ATP6V0E1: variants seen among roughly 807,000 people sequenced by gnomAD.
The protein encoded by ATP6V0E1 is ATPase H+ transporting V0 subunit e1.
A neutral mutation model predicts 11.6 loss-of-function variants in ATP6V0E1; 4 were observed. The observed-to-expected ratio is 0.35, with a 90% CI of 0.17 to 0.79. ATP6V0E1 has a LOEUF of 0.79. Ranked by LOEUF, ATP6V0E1 falls within the 30% of genes least tolerant of loss-of-function variation. The pLI is 0.54. For missense variants in ATP6V0E1, 105 were observed against 100.0 expected (o/e 1.05, Z -0.21); for synonymous variants, 36 against 34.8 (o/e 1.04, Z -0.13).
intron 2 of ATP6V0E1, among the ~76,000 whole-genome samples, chr5:173,005,056 T>G (rs1183830576): frequency 6.6e-6 from 1 of 152,156 alleles, no homozygotes; most frequent in African/African-American, 2.4e-5. Context: ...TGCAGAGTTA[T>G]GTTAAAATCA....
intron 2 of ATP6V0E1, among the ~76,000 whole-genome samples, chr5:173,006,801 G>T (rs1459782181): frequency 1.3e-5 from 2 of 151,982 alleles, no homozygotes; most frequent in African/African-American, 4.8e-5. Flanking sequence ...TTGGGTTTTG[G>T]GGGTTTTTTT....
At chr5:173,027,669 G>T (rs191694278) in intron 3 of ATP6V0E1, among the ~76,000 whole-genome samples, 1 of 152,054 alleles carries the variant, frequency 6.6e-6, no homozygotes, top group Non-Finnish European at 1.5e-5. Flanking sequence ...ACCCAAGCTG[G>T]TCTTGATCTC....
intron 2 of ATP6V0E1, among the ~76,000 whole-genome samples, chr5:172,996,245 C>T (rs936162032): frequency 6.6e-6 from 1 of 152,126 alleles, no homozygotes; most frequent in Admixed American, 6.5e-5. Context: ...GACACAAGCA[C>T]ATCAGCAAAG....
At chr5:173,024,872 C>G (rs578001002) in intron 3 of ATP6V0E1, among the ~76,000 whole-genome samples, 37 of 128,414 alleles carry the variant, frequency 2.9e-4, no homozygotes, top group Non-Finnish European at 5.4e-4. Context: ...GAGACAGAAT[C>G]TCGCTCTGAC....
intron 2 of ATP6V0E1, among the ~76,000 whole-genome samples, chr5:173,009,493 G>A (rs150944456): frequency 2.4e-5 from 3 of 125,728 alleles, no homozygotes; most frequent in African/African-American, 9.4e-5. Flanking sequence ...ACAGAGTCTC[G>A]TTCTATCATC....
At chr5:173,006,166 T>C (rs914912816) in intron 2 of ATP6V0E1, among the ~76,000 whole-genome samples, 4 of 152,232 alleles carry the variant, frequency 2.6e-5, no homozygotes, top group Non-Finnish European at 4.4e-5. Context: ...TACTTTTAAT[T>C]ATGAAAAGAG....
At chr5:172,984,466 G>T (rs1308151410) in intron 1 of ATP6V0E1, among the ~76,000 whole-genome samples, 2 of 152,186 alleles carry the variant, frequency 1.3e-5, no homozygotes, top group Non-Finnish European at 1.5e-5. Flanking sequence ...TCTAGTGGGC[G>T]CCAGGAGGCG....
At chr5:173,024,052 G>C (rs1258423899) in intron 3 of ATP6V0E1, among the ~76,000 whole-genome samples, 2 of 151,894 alleles carry the variant, frequency 1.3e-5, no homozygotes, top group African/African-American at 2.4e-5. Context: ...AAAAAAATTA[G>C]CCAGGCATGG....
At chr5:172,990,187 A>G (rs979733071) in intron 1 of ATP6V0E1, among the ~76,000 whole-genome samples, 23 of 152,054 alleles carry the variant, frequency 1.5e-4, no homozygotes, top group African/African-American at 5.6e-4. Flanking sequence ...ATAGCCTACG[A>G]TCACTTGGAA....
In ATP6V0E1 at chr5:173,022,966, C is replaced by T. The variant is rs185670203; in HGVS notation, c.*36+2599C>T. ...CTGCTGCCTTGAATTCCTGGGCTCC[C>T]GAGATCGACCTGTCTTAGCCTCCCT... is the stretch of plus-strand genomic sequence containing the variant. On this transcript the variant is annotated intron_variant, in intron 3 of 3. Coordinates refer to ENST00000519374, the MANE Select transcript of ATP6V0E1 (RefSeq NM_003945.4). Among the ~76,000 whole-genome samples the T allele has an allele frequency of 6.0e-3, 908 of 152,036 alleles. 14 individuals are homozygous for T. The highest frequency in any genetic ancestry group is 0.02 in the African/African-American group (850 of 41,474).
At chr5:173,031,678 G>C (rs1213820315) in intron 3 of ATP6V0E1, among the ~76,000 whole-genome samples, 10 of 151,924 alleles carry the variant, frequency 6.6e-5, no homozygotes, top group Non-Finnish European at 4.4e-5. Context: ...AATTAGCCAG[G>C]TATAGTGGCG....
rs542806888 is a variant in ATP6V0E1, at chr5:173,007,260, C to T, written c.152+12438C>T. Among the ~76,000 whole-genome samples the T allele has an allele frequency of 1.6e-4, 25 of 152,292 alleles. No homozygotes were observed. The East Asian group carries it at 4.1e-3, about 25-fold the overall frequency. ...AAAATGCTGGGATTACAAGCATGAG[C>T]CACCGCAGCTGGTCATGTTTATGAC... On this transcript the variant is annotated intron_variant, in intron 2 of 3. Transcript: ENST00000519374.
chr5:173,021,016 G>C (rs1756475150), intron 3 of ATP6V0E1: 19 of 469,460 alleles, frequency 4.0e-5, no homozygotes, highest in South Asian at 2.4e-4. Context: ...GAATACATGA[G>C]ACTGGGTAAT....
Position 173,030,551 on chromosome 5 carries a change from G to A in ATP6V0E1, c.*37-3848G>A, listed in dbSNP as rs187552866. ...CGCCTCCTGGGTTCAAGTGATTCTC[G>A]TGCCTCAGCCTCCCGAGTAGCTGGG... On this transcript the variant is annotated intron_variant, in intron 3 of 3. Transcript: ENST00000519374. Among the ~76,000 whole-genome samples the A allele has an allele frequency of 2.6e-4, 39 of 149,136 alleles. 1 individual carries two copies. Among genetic ancestry groups the A allele is most frequent in the African/African-American group, 7.2e-4 (29 of 40,472 alleles).
chr5:173,020,267 A>G lies in ATP6V0E1; in HGVS notation c.182A>G (p.Asn61Ser). Residue 61 changes from asparagine (N) to serine (S), a missense_variant, in exon 3 of 4, where the codon AAC becomes AGC. By Grantham distance (46) the Asn-to-Ser change is conservative. Coordinates refer to ENST00000519374, the MANE Select transcript of ATP6V0E1 (RefSeq NM_003945.4). ...FWLIAILAQLNPLFGPQLKNE... is the reference protein window; with the variant it reads ...FWLIAILAQLSPLFGPQLKNE... ...CTGATTGCAATTCTGGCCCAACTCA[A>G]CCCTCTCTTTGGACCGCAATTGAAA... 1.9e-6 allele frequency: 3 copies of G among 1,613,908 alleles called. No individual in the cohort carries two copies. In the African/African-American group the frequency reaches 4.0e-5, roughly 22 times the overall value.
intron 3 of ATP6V0E1, among the ~76,000 whole-genome samples, chr5:173,027,115 C>CT (rs1180807445): frequency 7.2e-6 from 1 of 138,650 alleles, no homozygotes; most frequent in Admixed American, 7.9e-5. Context: ...GGAGGCGGAG[C>CT]TTGCAGTTAG....
intron 3 of ATP6V0E1, among the ~76,000 whole-genome samples, chr5:173,021,166 A>AAG (rs1260108949): frequency 6.6e-6 from 1 of 151,976 alleles, no homozygotes; most frequent in Non-Finnish European, 1.5e-5. Flanking sequence ...GAGAGGGAGC[A>AAG]AGAGAGAGAG....
intron 2 of ATP6V0E1, among the ~76,000 whole-genome samples, chr5:173,017,665 A>C (rs1756423517): frequency 6.6e-6 from 1 of 151,870 alleles, no homozygotes; most frequent in South Asian, 2.1e-4. Context: ...ACATAGTGAA[A>C]CCTCTTCTCT....
intron 1 of ATP6V0E1, among the ~76,000 whole-genome samples, chr5:172,993,382 G>A (rs182288573): frequency 0.017 from 2,607 of 150,584 alleles, 33 homozygotes; most frequent in Non-Finnish European, 0.028. Context: ...GGTGGTGCAT[G>A]CCCATAATCT....
Sources: allele counts gnomAD v4.1 joint callset (sites outside exome capture counted in the v4.1 genomes callset), GRCh38; gene constraint gnomAD v4.1.1; transcripts MANE v1.5; gene names NCBI Gene and HGNC (gene_info 2026-07-23, HGNC 2026-07-21).